The following FSTL4 variants were observed in gnomAD, a reference collection of about 807,000 sequenced individuals.
FSTL4 encodes follistatin-related protein 4.
Under a neutral mutation model 78.2 loss-of-function variants are expected in FSTL4, and 28 were observed. The ratio of observed to expected loss-of-function variants is 0.36; its 90% CI spans 0.27 to 0.49. The LOEUF is 0.49. Ranked by LOEUF, FSTL4 falls within the 20% of genes least tolerant of loss-of-function variation. FSTL4 has a pLI of 0.98. For synonymous variants in FSTL4, 422 were observed against 440.5 expected, an observed-to-expected ratio of 0.96 and a Z score of 0.53; for missense variants, 922 against 1,084.9, an observed-to-expected ratio of 0.85 and a Z score of 2.11.
the FSTL4 span, among the ~76,000 whole-genome samples, chr5:133,683,273 T>C: frequency 6.6e-6 from 1 of 152,184 alleles, no homozygotes; most frequent in African/African-American, 2.4e-5. Flanking sequence ...ATCCCCTAAA[T>C]TAGAGCTATT....
the FSTL4 span, among the ~76,000 whole-genome samples, chr5:133,764,557 A>G: frequency 6.6e-6 from 1 of 151,986 alleles, no homozygotes; most frequent in Admixed American, 6.5e-5. Flanking sequence ...TTCTCCCCCA[A>G]AACAATGCAC....
At chr5:133,831,298 T>G in the FSTL4 span, among the ~76,000 whole-genome samples, 6 of 152,148 alleles carry the variant, frequency 3.9e-5, no homozygotes, top group Non-Finnish European at 5.9e-5. Context: ...ATATGAAGAC[T>G]TTCCCTGAGC....
In FSTL4 at chr5:133,199,444, T is replaced by A; in HGVS notation, c.2180A>T (p.Asp727Val). 6.2e-7 allele frequency: 1 copy of A among 1,614,176 alleles called. No homozygotes were observed. Among genetic ancestry groups the A allele is most frequent in the Non-Finnish European group, 8.5e-7 (1 of 1,180,006 alleles). ...TGAGATGCCCGAGTTTATTTGCAGG[T>A]CATACAGGGTCTGGATCTCGCCCCG... ...TVRGEIQTLY[D>V]LQINSGISDL... The change falls in exon 16 of 16, where the codon GAC becomes GTC. Residue 727 changes from aspartate (D) to valine (V), a missense_variant. By Grantham distance (152) the Asp-to-Val change is radical. Transcript: ENST00000265342. The surrounding 1 kb of genome is among the most constrained non-coding windows in gnomAD (Gnocchi z 4.4).
Position 133,220,763 on chromosome 5 carries a change from C to A in FSTL4, c.1443G>T (p.Lys481Asn), listed in dbSNP as rs774310162. The change falls in exon 12 of 16, where the codon AAG becomes AAT. Residue 481 changes from lysine to asparagine, a missense_variant. Lys to Asn is a moderately conservative substitution (Grantham distance 94, BLOSUM62 0). Transcript: ENST00000265342. ...EIQRHLKPTE[K>N]IFMSYEEICP... ...AGTTACTTACATAGCTCATGAAAAT[C>A]TTTTCCGTGGGTTTGAGGTGCCTCT... 1 of 1,591,216 alleles carries A rather than the reference C, an allele frequency of 6.3e-7. No homozygotes were observed. The highest frequency in any genetic ancestry group is 8.6e-7 in the Non-Finnish European group (1 of 1,159,038).
At chr5:133,673,820 G>A in the FSTL4 span, among the ~76,000 whole-genome samples, 16,079 of 152,138 alleles carry the variant, frequency 0.11, 1,104 homozygotes, top group African/African-American at 0.18. Context: ...GCATTTGATA[G>A]GGGCTGTAAT....
At chr5:133,402,872 G>A (rs1756267604) in intron 3 of FSTL4, among the ~76,000 whole-genome samples, 1 of 152,220 alleles carries the variant, frequency 6.6e-6, no homozygotes, top group African/African-American at 2.4e-5. Flanking sequence ...ATGTCACCAT[G>A]AAGGCCCAGT....
the FSTL4 span, among the ~76,000 whole-genome samples, chr5:133,620,418 A>T: frequency 9.2e-5 from 14 of 152,208 alleles, no homozygotes; most frequent in African/African-American, 3.1e-4. Flanking sequence ...AGTATGAAAG[A>T]CAGCTTGATA....
In FSTL4 at chr5:133,426,977, T is replaced by C. The variant is rs74553249; in HGVS notation, c.161-25991A>G. Among the ~76,000 whole-genome samples the C allele has an allele frequency of 3.9e-3, 588 of 152,284 alleles. 16 individuals are homozygous for C. In the East Asian group the frequency reaches 0.068, roughly 18 times the overall value. Reference sequence around the variant, plus strand: ...TCAAATGCCCAACGGCCCAGAGGAATTTTGGTTTATCAAACCTTGAAATAC... The same window carrying C: ...TCAAATGCCCAACGGCCCAGAGGAACTTTGGTTTATCAAACCTTGAAATAC... On this transcript the variant is annotated intron_variant, in intron 3 of 15. Transcript: ENST00000265342. This position sits in a 1 kb window ranked among gnomAD's most constrained non-coding sequence, Gnocchi z 5.0.
At chr5:133,825,851 A>G in the FSTL4 span, among the ~76,000 whole-genome samples, 7 of 152,228 alleles carry the variant, frequency 4.6e-5, no homozygotes, top group African/African-American at 1.7e-4. Flanking sequence ...AATGGCCCCC[A>G]GCATCGAGCT....
intron 3 of FSTL4, among the ~76,000 whole-genome samples, chr5:133,531,042 C>G (rs2914577): frequency 0.38 from 57,474 of 151,916 alleles, 11,017 homozygotes; most frequent in East Asian, 0.42. Context: ...GAGGCTCGGC[C>G]CTGGATAGGG....
intron 3 of FSTL4, among the ~76,000 whole-genome samples, chr5:133,443,074 A>G (rs1270661795): frequency 6.6e-6 from 1 of 152,230 alleles, no homozygotes; most frequent in Non-Finnish European, 1.5e-5. Context: ...CATATGGACC[A>G]CCTTTATTTC....
At chr5:133,376,189 T>C (rs1171861638) in intron 4 of FSTL4, among the ~76,000 whole-genome samples, 1 of 152,228 alleles carries the variant, frequency 6.6e-6, no homozygotes, top group Non-Finnish European at 1.5e-5. Flanking sequence ...ATAAAGCTTT[T>C]ATAATTAAGA....
intron 4 of FSTL4, among the ~76,000 whole-genome samples, chr5:133,343,576 C>G (rs1754634576): frequency 6.6e-6 from 1 of 152,192 alleles, no homozygotes. Flanking sequence ...AACTGCTTAG[C>G]GCAGTTGAAA....
the FSTL4 span, among the ~76,000 whole-genome samples, chr5:133,803,526 C>T: frequency 2.0e-5 from 3 of 152,174 alleles, no homozygotes; most frequent in Non-Finnish European, 4.4e-5. Context: ...CCAAGAGCAC[C>T]TCCTGGAGTC....
rs939825219 is a variant in FSTL4, at chr5:133,440,584, A to G, written c.161-39598T>C. On this transcript the variant is annotated intron_variant, in intron 3 of 15. Coordinates refer to ENST00000265342, the MANE Select transcript of FSTL4 (RefSeq NM_015082.2). The surrounding 1 kb of genome is among the most constrained non-coding windows in gnomAD (Gnocchi z 4.1). ...CCTCCCCAGGATGGATGTGCCAAGG[A>G]GGGCTAATAGTTTTCCATGGAGCTG... Among the ~76,000 whole-genome samples, 4 of 152,278 alleles carry G rather than the reference A, an allele frequency of 2.6e-5. No individual in the cohort carries two copies. Among genetic ancestry groups the G allele is most frequent in the African/African-American group, 9.6e-5 (4 of 41,564 alleles).
At chr5:133,821,091 A>G in the FSTL4 span, among the ~76,000 whole-genome samples, 7 of 152,262 alleles carry the variant, frequency 4.6e-5, no homozygotes, top group Non-Finnish European at 8.8e-5. Flanking sequence ...GGCTGTTGCC[A>G]AGCTTTGAAA....
chr5:133,626,884 C>T, the FSTL4 span, among the ~76,000 whole-genome samples: 4 of 152,150 alleles, frequency 2.6e-5, no homozygotes, highest in South Asian at 6.2e-4. Flanking sequence ...TATTCTGCAA[C>T]TATTGATTGG....
At chr5:133,378,493 A>G (rs769730035) in intron 4 of FSTL4, among the ~76,000 whole-genome samples, 12 of 152,206 alleles carry the variant, frequency 7.9e-5, no homozygotes, top group Non-Finnish European at 1.6e-4. Flanking sequence ...TACAAATTAT[A>G]TAACTATATA....
At chr5:133,304,752 GAGA>G (rs1753619369) in intron 6 of FSTL4, among the ~76,000 whole-genome samples, 1 of 152,216 alleles carries the variant, frequency 6.6e-6, no homozygotes, top group Admixed American at 6.5e-5. Context: ...CCAAGTGTGG[GAGA>G]AGAAGGAACT....
Sources: allele counts gnomAD v4.1 joint callset (sites outside exome capture counted in the v4.1 genomes callset), GRCh38; gene constraint gnomAD v4.1.1; non-coding constraint Gnocchi (gnomAD v3.1); transcripts MANE v1.5; gene names NCBI Gene and HGNC (gene_info 2026-07-23, HGNC 2026-07-21).